The following TRIM24 variants were observed in gnomAD, a reference collection of about 807,000 sequenced individuals.
TRIM24 encodes the protein transcription intermediary factor 1-alpha.
In TRIM24, 29 loss-of-function variants were observed where a neutral mutation model predicts 123.9. That is an observed-to-expected ratio of 0.23 (90% CI 0.17 to 0.32). The LOEUF (loss-of-function observed/expected upper bound fraction) is 0.32, where lower values mean the gene tolerates loss of function less well. Among genes scored for constraint, TRIM24 ranks in the 10% least tolerant of loss-of-function variants. The probability of loss-of-function intolerance (pLI) is 1.00; values close to 1 mark genes in which losing one functional copy is unlikely to be tolerated. For synonymous variants in TRIM24, 456 were observed against 461.1 expected, an observed-to-expected ratio of 0.99 and a Z score of 0.14; for missense variants, 932 against 1,295.3, an observed-to-expected ratio of 0.72 and a Z score of 4.31.
At chr7:138,491,436 A>G (rs1439797775) in intron 1 of TRIM24, 1 of 154,876 alleles carries the variant, frequency 6.5e-6, no homozygotes, top group African/African-American at 2.4e-5. Flanking sequence ...GAATTATGCA[A>G]TATTTGTCCT....
intron 1 of TRIM24, among the ~76,000 whole-genome samples, chr7:138,470,320 A>G (rs1179003988): frequency 6.6e-6 from 1 of 151,828 alleles, no homozygotes; most frequent in African/African-American, 2.4e-5. Context: ...TAGTAGAGAC[A>G]GGGTTTCACT....
intron 14 of TRIM24, among the ~76,000 whole-genome samples, chr7:138,578,212 AAAC>A (rs1396681466): frequency 1.3e-5 from 2 of 152,184 alleles, no homozygotes; most frequent in Non-Finnish European, 2.9e-5. Context: ...GTCTTAGTAA[AAAC>A]AAAAAGTTGT....
chr7:138,512,360 ACT>A (rs1243267496), intron 2 of TRIM24, among the ~76,000 whole-genome samples: 2 of 151,866 alleles, frequency 1.3e-5, no homozygotes, highest in Non-Finnish European at 2.9e-5. Context: ...CCCAGTGGTG[ACT>A]CTGTGTGGGT....
intron 1 of TRIM24, among the ~76,000 whole-genome samples, chr7:138,500,086 T>C (rs1024693508): frequency 5.3e-5 from 8 of 152,194 alleles, no homozygotes; most frequent in African/African-American, 1.9e-4. Context: ...TTTAAATCCA[T>C]GTACATCTCT....
chr7:138,492,148 T>C (rs1795800766), intron 1 of TRIM24, among the ~76,000 whole-genome samples: 1 of 151,702 alleles, frequency 6.6e-6, no homozygotes, highest in Admixed American at 6.6e-5. Context: ...GGTACATGAC[T>C]GTAGTCCCAG....
intron 6 of TRIM24, among the ~76,000 whole-genome samples, chr7:138,538,265 CAT>C (rs1312579383): frequency 6.6e-6 from 1 of 152,176 alleles, no homozygotes; most frequent in Non-Finnish European, 1.5e-5. Flanking sequence ...AAGGTGAAAT[CAT>C]ATGATTGAGT....
rs746540718 is a variant in TRIM24 at position 138,584,762 on chromosome 7, T to G, written c.2964T>G (p.Asn988Lys). ...CACAGCCTGATTCAGAAGTAGCCAA[T>G]GCTGGTATAAAACTTGAAAATTATT... ...EFNEPDSEVA[N>K]AGIKLENYFE... is the part of the protein sequence containing the mutation. The change falls in exon 19 of 19, where the codon AAT (asparagine) becomes AAG (lysine). Residue 988 changes from asparagine (N) to lysine (K), a missense_variant. This residue lies in a region of TRIM24 where 104 missense variants were observed against 121.5 expected (regional missense o/e 0.86). Coordinates refer to ENST00000343526, the MANE Select transcript of TRIM24 (RefSeq NM_015905.3). 1 of 1,610,830 alleles carries G rather than the reference T, an allele frequency of 6.2e-7. No individual in the cohort carries two copies. The highest frequency in any genetic ancestry group is 1.7e-5 in the Admixed American group (1 of 59,444).
At chr7:138,540,813 G>A (rs1018716155) in intron 7 of TRIM24, among the ~76,000 whole-genome samples, 7 of 152,098 alleles carry the variant, frequency 4.6e-5, no homozygotes, top group African/African-American at 1.7e-4. Context: ...TGTGTATGGT[G>A]GCTATTATAC....
intron 6 of TRIM24, among the ~76,000 whole-genome samples, chr7:138,531,806 G>A (rs1027933420): frequency 1.3e-5 from 2 of 152,204 alleles, no homozygotes; most frequent in Non-Finnish European, 2.9e-5. Context: ...GTCTTCCACA[G>A]TGGTTGAACT....
intron 1 of TRIM24, among the ~76,000 whole-genome samples, chr7:138,495,640 A>T (rs1331913597): frequency 6.6e-6 from 1 of 150,758 alleles, no homozygotes; most frequent in Non-Finnish European, 1.5e-5. Context: ...TAGGGATGGG[A>T]TCTTATTGTT....
At position 138,580,604 on chromosome 7, in the gene TRIM24, A is replaced by T. The variant is rs1797872008; in HGVS notation, c.2628A>T (p.Pro876=). Reference sequence around the variant, plus strand: ...CTTTCTGCCGAGACTTATCTAAACCAGAAGTTGAATATGATTGTGATGCTC... The same window carrying T: ...CTTTCTGCCGAGACTTATCTAAACCTGAAGTTGAATATGATTGTGATGCTC... ...ICTFCRDLSK[P]EVEYDCDAPS... is the part of the protein sequence containing the mutation. Residue 876 remains proline (P), a synonymous_variant, in exon 16 of 19, where the codon CCA becomes CCT. Transcript: ENST00000343526. The T allele has an allele frequency of 6.2e-7, 1 of 1,613,920 alleles. No homozygotes were observed. The highest frequency in any genetic ancestry group is 8.5e-7 in the Non-Finnish European group (1 of 1,179,908).
At chr7:138,484,958 T>G (rs1225467206) in intron 1 of TRIM24, among the ~76,000 whole-genome samples, 1 of 152,056 alleles carries the variant, frequency 6.6e-6, no homozygotes. Flanking sequence ...AATTTTCAAT[T>G]TTATTGATAT....
At chr7:138,565,323 C>G (rs548022670) in intron 9 of TRIM24, among the ~76,000 whole-genome samples, 2 of 152,272 alleles carry the variant, frequency 1.3e-5, no homozygotes, top group African/African-American at 2.4e-5. Flanking sequence ...AGTTACACCC[C>G]GGGAGGTGAT....
chr7:138,554,935 G>A lies in TRIM24; in HGVS notation c.1499G>A (p.Gly500Glu). Residue 500 changes from glycine to glutamate, a missense_variant, in exon 9 of 19, where the codon GGG (glycine) becomes GAG (glutamate). By Grantham distance (98) the Gly-to-Glu change is moderately conservative. Transcript: ENST00000343526. This position sits in a 1 kb window ranked among gnomAD's most constrained non-coding sequence, Gnocchi z 4.5. ...PVGLPNPRMQ[G>E]PIQQPSISHQ... ...GGTTTACCAAACCCTAGAATGCAGG[G>A]GCCCATCCAGCAACCTTCCATCTCT... is the stretch of plus-strand genomic sequence containing the variant. 1.2e-6 allele frequency: 2 copies of A among 1,614,074 alleles called. No individual in the cohort carries two copies. The highest frequency in any genetic ancestry group is 1.7e-6 in the Non-Finnish European group (2 of 1,179,988).
chr7:138,584,678 T>C, intron 18 of TRIM24, 64 bp from the exon 19 acceptor site: 1 of 1,277,000 alleles, frequency 7.8e-7, no homozygotes, highest in East Asian at 2.4e-5. Flanking sequence ...AGCTCATTAA[T>C]ATATATAATC....
intron 2 of TRIM24, among the ~76,000 whole-genome samples, chr7:138,506,565 AATG>A (rs1796155535): frequency 6.6e-6 from 1 of 152,230 alleles, no homozygotes; most frequent in Non-Finnish European, 1.5e-5. Context: ...TATGACATAA[AATG>A]ATGATAATAG....
At chr7:138,504,444 GCTCTTTTTTTTTT>G in intron 2 of TRIM24, 36 bp downstream of exon 2, 3 of 623,874 alleles carry the variant, frequency 4.8e-6, no homozygotes, top group South Asian at 3.5e-5. Flanking sequence ...TTGCCTGCCA[GCTCTTTTTTTTTT>G]TTTTTTTTTT....
chr7:138,512,399 A>G (rs949585588), intron 2 of TRIM24, among the ~76,000 whole-genome samples: 2 of 152,054 alleles, frequency 1.3e-5, no homozygotes, highest in African/African-American at 4.8e-5. Flanking sequence ...TCTCCTCTGT[A>G]CTGCGCGAGT....
Position 138,579,643 on chromosome 7 carries a change from ACTC to A in TRIM24, c.2585+113_2585+115del, listed in dbSNP as rs765046741. 235 of 849,550 alleles carry A rather than the reference ACTC, an allele frequency of 2.8e-4. 1 individual carries two copies. The Middle Eastern group carries it at 3.4e-3, about 12-fold the overall frequency. The allele number at this position is 849,550 out of a possible 1,614,324, so 52.6% of individuals were successfully genotyped here. On this transcript the variant is annotated intron_variant, in intron 15 of 18. Coordinates refer to ENST00000343526, the MANE Select transcript of TRIM24 (RefSeq NM_015905.3). Reference sequence around the variant, plus strand: ...GAAATTCCACTTGGCACAAGTGTATACTCCAAAATCCCAATGAATAGTCTAGGT... The same window carrying A: ...GAAATTCCACTTGGCACAAGTGTATACAAAATCCCAATGAATAGTCTAGGT...
Sources: allele counts gnomAD v4.1 joint callset (sites outside exome capture counted in the v4.1 genomes callset), GRCh38; gene constraint gnomAD v4.1.1; regional missense constraint gnomAD v4.1.1; non-coding constraint Gnocchi (gnomAD v3.1); transcripts MANE v1.5; gene names NCBI Gene and HGNC (gene_info 2026-07-23, HGNC 2026-07-21).